RLN2: variants seen among roughly 807,000 people sequenced by gnomAD.
RLN2 encodes the protein prorelaxin H2.
A neutral mutation model predicts 7.3 loss-of-function variants in RLN2; 10 were observed. That is an observed-to-expected ratio of 1.36 (90% CI 0.84 to 2.31). The LOEUF is 2.31. RLN2 is among the 30% of genes most tolerant of loss of function. RLN2 has a pLI of 0.00. For missense variants in RLN2, 298 were observed against 217.6 expected (o/e 1.37, Z -2.32); for synonymous variants, 103 against 82.3 (o/e 1.25, Z -1.36).
upstream of RLN2, among the ~76,000 whole-genome samples, chr9:5,307,991 T>C (rs1350225760): frequency 6.6e-6 from 1 of 152,096 alleles, no homozygotes; most frequent in Non-Finnish European, 1.5e-5. Flanking sequence ...AGGCAACTCA[T>C]ACCTGATCCC....
chr9:5,310,055 G>A, the RLN2 span, among the ~76,000 whole-genome samples: 1 of 151,874 alleles, frequency 6.6e-6, no homozygotes, highest in Non-Finnish European at 1.5e-5. Flanking sequence ...TAGTTGTGTT[G>A]GGTAAAAGAG....
At chr9:5,315,961 A>G in the RLN2 span, among the ~76,000 whole-genome samples, 1 of 152,074 alleles carries the variant, frequency 6.6e-6, no homozygotes, top group African/African-American at 2.4e-5. Context: ...GGAGTCTTCA[A>G]GTGGAAATAA....
the RLN2 span, chr9:5,335,165 A>G: frequency 9.8e-6 from 7 of 715,336 alleles, no homozygotes; most frequent in Non-Finnish European, 1.6e-5. Context: ...TATTCTAATA[A>G]TTAGTGGGAC....
chr9:5,322,612 T>G, the RLN2 span, among the ~76,000 whole-genome samples: 4 of 151,966 alleles, frequency 2.6e-5, no homozygotes, highest in Non-Finnish European at 5.9e-5. Flanking sequence ...AATAATTAGA[T>G]GCTCTAAGTT....
chr9:5,317,995 T>TGTGTGTGGGC, the RLN2 span, among the ~76,000 whole-genome samples: 2 of 117,492 alleles, frequency 1.7e-5, no homozygotes, highest in Non-Finnish European at 3.5e-5. Context: ...AACAAAACTA[T>TGTGTGTGGGC]GTGTGTGTGT....
At position 5,304,706 on chromosome 9, in the gene RLN2, G is replaced by A; in HGVS notation, c.-126C>T. 2 of 944,612 alleles carry A rather than the reference G, an allele frequency of 2.1e-6. No individual in the cohort carries two copies. Among genetic ancestry groups the A allele is most frequent in the Non-Finnish European group, 3.3e-6 (2 of 612,838 alleles). The allele number at this position is 944,612 out of a possible 1,614,324, so 58.5% of individuals were successfully genotyped here. A position where few individuals can be genotyped will look rare whatever the true frequency, so the allele number is the denominator to read the frequency against. ...AGGCTGCTTTCCCTACCCGGCTCAAGCGGTCTTTTGTATCCCTTGGGCTAT... is the reference window on the plus strand; with the variant it reads ...AGGCTGCTTTCCCTACCCGGCTCAAACGGTCTTTTGTATCCCTTGGGCTAT... On this transcript the variant is annotated 5_prime_UTR_variant, in exon 1 of 2. Transcript: ENST00000381627.
the RLN2 span, among the ~76,000 whole-genome samples, chr9:5,314,796 G>T: frequency 2.6e-5 from 4 of 151,928 alleles, no homozygotes; most frequent in Non-Finnish European, 5.9e-5. Context: ...CACAGAATCT[G>T]GGATACTTCT....
chr9:5,325,790 T>C, the RLN2 span, among the ~76,000 whole-genome samples: 2 of 151,956 alleles, frequency 1.3e-5, 1 homozygote, highest in East Asian at 3.9e-4. Flanking sequence ...AAGACAAGGG[T>C]TGTAGTTCTA....
the RLN2 span, chr9:5,311,552 C>T: frequency 4.0e-6 from 3 of 752,952 alleles, 1 homozygote; most frequent in African/African-American, 3.4e-5. Context: ...TCCTCCAAAG[C>T]CAGAGCTCAA....
chr9:5,337,958 T>C, the RLN2 span, among the ~76,000 whole-genome samples: 1 of 152,000 alleles, frequency 6.6e-6, no homozygotes, highest in African/African-American at 2.4e-5. Context: ...GAATTTCAAA[T>C]TATGTTTTGG....
chr9:5,300,301 A>G lies in RLN2; in HGVS notation c.355T>C (p.Leu119=), dbSNP rs145745019. 1.2e-6 allele frequency: 2 copies of G among 1,614,016 alleles called. No homozygotes were observed. Among genetic ancestry groups the G allele is most frequent in the Non-Finnish European group, 1.7e-6 (2 of 1,179,874 alleles). The change falls in exon 2 of 2, where the codon TTA becomes CTA. Residue 119 remains leucine (L), a synonymous_variant. Coordinates refer to ENST00000381627, the MANE Select transcript of RLN2 (RefSeq NM_134441.3). ...LPQLQQHVPV[L]KDSSLLFEEF... ...TCAAAGAGAAGACTGGAATCTTTTA[A>G]TACAGGTACATGTTGTTGTAGCTGT...
the RLN2 span, among the ~76,000 whole-genome samples, chr9:5,333,517 G>T: frequency 1.3e-5 from 2 of 151,954 alleles, no homozygotes; most frequent in East Asian, 3.9e-4. Flanking sequence ...TGAAATTGAG[G>T]CAGTAATGAA....
chr9:5,320,223 T>C, the RLN2 span, among the ~76,000 whole-genome samples: 1 of 149,570 alleles, frequency 6.7e-6, no homozygotes, highest in Non-Finnish European at 1.5e-5. Context: ...TGATCTCAGG[T>C]GATCCGCCCT....
At chr9:5,314,811 C>T in the RLN2 span, among the ~76,000 whole-genome samples, 6 of 152,008 alleles carry the variant, frequency 3.9e-5, no homozygotes, top group Non-Finnish European at 7.4e-5. Flanking sequence ...ACTTCTATGT[C>T]CCACTATCCC....
the RLN2 span, among the ~76,000 whole-genome samples, chr9:5,332,238 T>C: frequency 6.6e-6 from 1 of 152,072 alleles, no homozygotes; most frequent in Admixed American, 6.6e-5. Flanking sequence ...AAGATGCATA[T>C]ATGTACATAT....
the RLN2 span, among the ~76,000 whole-genome samples, chr9:5,317,460 A>C: frequency 1.3e-5 from 2 of 150,964 alleles, no homozygotes; most frequent in Non-Finnish European, 3.0e-5. Context: ...TTAAAAAAAA[A>C]AAAATAGCTG....
At chr9:5,329,883 T>C in the RLN2 span, among the ~76,000 whole-genome samples, 3 of 152,016 alleles carry the variant, frequency 2.0e-5, no homozygotes, top group Admixed American at 6.6e-5. Flanking sequence ...TATCCAGGAC[T>C]TGAACTCAGC....
At chr9:5,312,169 G>C in the RLN2 span, among the ~76,000 whole-genome samples, 1 of 152,016 alleles carries the variant, frequency 6.6e-6, no homozygotes, top group East Asian at 1.9e-4. Context: ...CCCAAGAGGA[G>C]GGATCCCCTG....
the RLN2 span, chr9:5,335,744 T>A: frequency 6.1e-5 from 38 of 618,320 alleles, no homozygotes; most frequent in African/African-American, 5.7e-4. Context: ...TCCTAATATC[T>A]AAACACTTAG....
Sources: gnomAD v4.1 joint callset for allele counts (sites outside exome capture counted in the v4.1 genomes callset) on GRCh38, gnomAD v4.1.1 for gene constraint, MANE v1.5 for transcripts, NCBI Gene and HGNC (gene_info 2026-07-23, HGNC 2026-07-21) for gene names.